ZKSCAN7: variants seen among roughly 807,000 people sequenced by gnomAD.
ZKSCAN7 encodes the protein zinc finger protein with KRAB and SCAN domains 7.
ZKSCAN7 carries 38 observed loss-of-function variants against 65.3 expected under a neutral mutation model. The ratio of observed to expected loss-of-function variants is 0.58; its 90% CI spans 0.45 to 0.76. The LOEUF is 0.76. Among genes scored for constraint, ZKSCAN7 ranks in the 30% least tolerant of loss-of-function variants. The pLI is 0.00. For missense variants in ZKSCAN7, 815 were observed against 913.3 expected, an observed-to-expected ratio of 0.89 and a Z score of 1.39; for synonymous variants, 321 against 321.0, an observed-to-expected ratio of 1.00 and a Z score of 0.00.
chr3:44,560,860 A>G (rs1016937866), intron 2 of ZKSCAN7, among the ~76,000 whole-genome samples: 3 of 152,194 alleles, frequency 2.0e-5, no homozygotes, highest in African/African-American at 7.2e-5. Context: ...CAGGCAGTGC[A>G]GTAATCATTA....
chr3:44,571,671 C>G lies in ZKSCAN7; in HGVS notation c.*296C>G. ...TAGTTATGCATCTCATAATCAGACT[C>G]CATGCTTTTTAAAGACAGAGATAAT... is the stretch of plus-strand genomic sequence containing the variant. On this transcript the variant is annotated 3_prime_UTR_variant, in exon 6 of 6. Transcript: ENST00000426540. 1 of 1,216,918 alleles carries G rather than the reference C, an allele frequency of 8.2e-7. No individual in the cohort carries two copies. The allele number at this position is 1,216,918 out of a possible 1,614,324, so 75.4% of individuals were successfully genotyped here. A position where few individuals can be genotyped will look rare whatever the true frequency, so the allele number is the denominator to read the frequency against.
rs1469677332 is a variant in ZKSCAN7 at position 44,567,927 on chromosome 3, C to T, written c.608C>T (p.Pro203Leu). Residue 203 changes from proline to leucine, a missense_variant, in exon 4 of 6, where the codon CCA becomes CTA. Coordinates refer to ENST00000426540, the MANE Select transcript of ZKSCAN7 (RefSeq NM_001288590.2). ...CCTCCCTCAGCTCAATGTACTTCTC[C>T]AGTTCCTACCCTTCCTCAAGTGGGG... The part of the protein sequence containing the change: ...PSGDFAQCTS[P>L]VPTLPQVGNS... The T allele has an allele frequency of 9.5e-7, 1 of 1,053,464 alleles. No homozygotes were observed. Among genetic ancestry groups the T allele is most frequent in the Non-Finnish European group, 1.4e-6 (1 of 718,236 alleles). The allele number at this position is 1,053,464 out of a possible 1,614,324, so 65.3% of individuals were successfully genotyped here. A position where few individuals can be genotyped will look rare whatever the true frequency, so the allele number is the denominator to read the frequency against.
exon 6 of ZKSCAN7, chr3:44,583,062 G>T (rs1700125089): frequency 9.8e-5 from 38 of 389,164 alleles, no homozygotes; most frequent in South Asian, 6.6e-4. Context: ...GAGTAGCTGG[G>T]ATTACAGGCG....
Position 44,568,396 on chromosome 3 carries a change from CATG to C in ZKSCAN7, c.778_780del (p.Met260del). On this transcript the variant is annotated inframe_deletion, in exon 5 of 6. Transcript: ENST00000426540. Reference sequence around the variant, plus strand: ...TCAGTCAGAGAGCCCTGCAGTGGAACATGATGCCAGAAAATCACCATAGCATGG... The same window carrying C: ...TCAGTCAGAGAGCCCTGCAGTGGAACATGCCAGAAAATCACCATAGCATGG... 3 of 1,614,116 alleles carry C rather than the reference CATG, an allele frequency of 1.9e-6. No individual in the cohort carries two copies. The highest frequency in any genetic ancestry group is 1.7e-6 in the Non-Finnish European group (2 of 1,180,002).
rs2125726698 is a variant in ZKSCAN7, at chr3:44,571,863, C to T, written c.*488C>T. 1 of 987,990 alleles carries T rather than the reference C, an allele frequency of 1.0e-6. No homozygotes were observed. The highest frequency in any genetic ancestry group is 1.1e-4 in the East Asian group (1 of 8,858). The allele number at this position is 987,990 out of a possible 1,614,324, so 61.2% of individuals were successfully genotyped here. On this transcript the variant is annotated 3_prime_UTR_variant, in exon 6 of 6. Coordinates refer to ENST00000426540, the MANE Select transcript of ZKSCAN7 (RefSeq NM_001288590.2). ...TTGTTCCCTATCTAGAAAACATTTTCTTCTGTTTGCTAATCTTTGTCCCTC... is the reference window on the plus strand; with the variant it reads ...TTGTTCCCTATCTAGAAAACATTTTTTTCTGTTTGCTAATCTTTGTCCCTC...
At chr3:44,563,552 AAG>A (rs1449474926) in intron 2 of ZKSCAN7, among the ~76,000 whole-genome samples, 4 of 152,174 alleles carry the variant, frequency 2.6e-5, no homozygotes, top group Non-Finnish European at 4.4e-5. Flanking sequence ...TGTGGCAGGA[AAG>A]AGAGAGCACA....
chr3:44,569,971 T>C lies in ZKSCAN7; in HGVS notation c.861T>C (p.Phe287=). Residue 287 remains phenylalanine, a synonymous_variant, in exon 6 of 6, where the codon TTT becomes TTC. Transcript: ENST00000426540. ...KGSELTPKQE[F]FKGSESSNRT... The stretch of plus-strand genomic sequence containing the variant: ...CAGAGTTGACTCCAAAGCAGGAATT[T>C]TTTAAAGGATCAGAGTCATCTAACA... 6.3e-7 allele frequency: 1 copy of C among 1,575,068 alleles called. No homozygotes were observed. The highest frequency in any genetic ancestry group is 8.6e-7 in the Non-Finnish European group (1 of 1,164,962).
At chr3:44,557,860 T>C (rs774171125) in intron 2 of ZKSCAN7, among the ~76,000 whole-genome samples, 10 of 152,180 alleles carry the variant, frequency 6.6e-5, no homozygotes, top group Non-Finnish European at 1.5e-4. Flanking sequence ...TCAGAGTCAA[T>C]TTTCTCTTTT....
chr3:44,555,668 CTA>C lies in ZKSCAN7; in HGVS notation c.-119+189_-119+190del, dbSNP rs796310951. The C allele has an allele frequency of 1.3e-3, 197 of 152,352 alleles. 1 individual carries two copies. The highest frequency in any genetic ancestry group is 4.2e-3 in the African/African-American group (174 of 41,572). 9.4% of individuals were successfully genotyped at this position (152,352 alleles called of 1,614,324 possible). A position where few individuals can be genotyped will look rare whatever the true frequency, so the allele number is the denominator to read the frequency against. ...TTTAAAGTGCTGAGCATTCGGAACA[CTA>C]TGGGAAGCAGGAGAATGGCCTGAAC... is the stretch of plus-strand genomic sequence containing the variant. On this transcript the variant is annotated intron_variant, in intron 1 of 5. Coordinates refer to ENST00000426540, the MANE Select transcript of ZKSCAN7 (RefSeq NM_001288590.2).
Position 44,557,269 on chromosome 3 carries a change from G to A in ZKSCAN7, c.222G>A (p.Arg74=), listed in dbSNP as rs766553385. Residue 74 remains arginine (R), a synonymous_variant, in exon 2 of 6, where the codon CGG becomes CGA. Transcript: ENST00000426540. The part of the protein sequence containing the change: ...EMSGPQEALS[R]LRELCRWWLM... ...CTGGGCCGCAGGAAGCATTGAGCCG[G>A]CTTCGGGAGCTCTGCCGCTGGTGGC... 1.9e-6 allele frequency: 3 copies of A among 1,614,158 alleles called. No individual in the cohort carries two copies. The highest frequency in any genetic ancestry group is 2.7e-5 in the African/African-American group (2 of 74,954).
At chr3:44,564,580 A>G (rs1306814795) in intron 2 of ZKSCAN7, among the ~76,000 whole-genome samples, 1 of 152,224 alleles carries the variant, frequency 6.6e-6, no homozygotes, top group Non-Finnish European at 1.5e-5. Context: ...GAGTCTGACT[A>G]TCCCTGCTTT....
At chr3:44,580,074 T>C (rs1700032720) in intron 5 of ZKSCAN7, 2 of 1,600,490 alleles carry the variant, frequency 1.2e-6, no homozygotes, top group South Asian at 1.1e-5. Flanking sequence ...CCCCACTGCA[T>C]TGGTCTCCAT....
In ZKSCAN7 at chr3:44,571,635, A is replaced by T. The variant is rs1403875498; in HGVS notation, c.*260A>T. 1.5e-5 allele frequency: 20 copies of T among 1,313,746 alleles called. No homozygotes were observed. In the East Asian group the frequency reaches 5.6e-4, roughly 37 times the overall value. The allele number at this position is 1,313,746 out of a possible 1,614,324, so 81.4% of individuals were successfully genotyped here. A position where few individuals can be genotyped will look rare whatever the true frequency, so the allele number is the denominator to read the frequency against. ...TTTTAAATTTTAACTTTTAAAATCT[A>T]TTTCATTTCTTAGTTATGCATCTCA... On this transcript the variant is annotated 3_prime_UTR_variant, in exon 6 of 6. Coordinates refer to ENST00000426540, the MANE Select transcript of ZKSCAN7 (RefSeq NM_001288590.2).
In ZKSCAN7 at chr3:44,557,177, A is replaced by G. The variant is rs1321654128; in HGVS notation, c.130A>G (p.Lys44Glu). The G allele has an allele frequency of 5.6e-6, 9 of 1,614,142 alleles. No homozygotes were observed. The highest frequency in any genetic ancestry group is 7.6e-6 in the Non-Finnish European group (9 of 1,180,052). Residue 44 changes from lysine to glutamate, a missense_variant, in exon 2 of 6, where the codon AAG becomes GAG. Physicochemically the swap from Lys to Glu is moderately conservative, Grantham distance 56. This residue lies in a region of ZKSCAN7 where 227 missense variants were observed against 253.3 expected (regional missense o/e 0.90). Transcript: ENST00000426540. Reference protein sequence around the residue: ...QTWGQGSSLQKNYPPVCEIFR... With the variant: ...QTWGQGSSLQENYPPVCEIFR... The stretch of plus-strand genomic sequence containing the variant: ...CTGGGGGCAGGGCAGCAGTCTCCAG[A>G]AGAACTATCCTCCTGTCTGCGAAAT...
rs879719445 is a variant in ZKSCAN7, at chr3:44,566,401, G to A, written c.592+746G>A. 1.1e-4 allele frequency among the ~76,000 whole-genome samples: 16 copies of A among 152,264 alleles called. No homozygotes were observed. In the South Asian group the frequency reaches 1.5e-3, roughly 14 times the overall value. On this transcript the variant is annotated intron_variant, in intron 3 of 5. Transcript: ENST00000426540. ...AGCATTATGGATTGAAGGGGAAGGC[G>A]CCTTAGTTAAAGGCTGGTGCGGTAG... is the stretch of plus-strand genomic sequence containing the variant.
At chr3:44,580,247 C>T in intron 5 of ZKSCAN7, 2 of 1,613,318 alleles carry the variant, frequency 1.2e-6, no homozygotes, top group South Asian at 1.1e-5. Context: ...AGCTGCTCTC[C>T]CCCCGGACTT....
At position 44,571,230 on chromosome 3, in the gene ZKSCAN7, T is replaced by C. The variant is rs1699801008; in HGVS notation, c.2120T>C (p.Ile707Thr). 5.0e-6 allele frequency: 8 copies of C among 1,614,196 alleles called. No individual in the cohort carries two copies. The highest frequency in any genetic ancestry group is 6.8e-6 in the Non-Finnish European group (8 of 1,180,050). ...GKAFSDSSQL[I>T]VHQRVHTGEK... Reference sequence around the variant, plus strand: ...GCTTTTAGTGACAGCTCACAGCTTATTGTACACCAGAGAGTCCACACCGGA... The same window carrying C: ...GCTTTTAGTGACAGCTCACAGCTTACTGTACACCAGAGAGTCCACACCGGA... Residue 707 changes from isoleucine (I) to threonine (T), a missense_variant, in exon 6 of 6, where the codon ATT becomes ACT. By Grantham distance (89) the Ile-to-Thr change is moderately conservative (BLOSUM62 -1). Around this residue, in one of 3 missense-constraint regions of ZKSCAN7, gnomAD observed 578 missense variants for 629.5 expected, o/e 0.92. Transcript: ENST00000426540.
intron 5 of ZKSCAN7, among the ~76,000 whole-genome samples, chr3:44,581,221 A>G (rs951232590): frequency 6.8e-6 from 1 of 147,316 alleles, no homozygotes; most frequent in Non-Finnish European, 1.5e-5. Context: ...CGCGACGCCC[A>G]GCTCCCGCCC....
chr3:44,570,798 G>A lies in ZKSCAN7; in HGVS notation c.1688G>A (p.Ser563Asn), dbSNP rs1403648529. The A allele has an allele frequency of 1.9e-6, 3 of 1,614,194 alleles. No individual in the cohort carries two copies. The highest frequency in any genetic ancestry group is 1.7e-5 in the Admixed American group (1 of 60,030). Residue 563 changes from serine (S) to asparagine (N), a missense_variant, in exon 6 of 6, where the codon AGT (serine) becomes AAT (asparagine). Ser to Asn is a conservative substitution (Grantham distance 46). Around this residue, in one of 3 missense-constraint regions of ZKSCAN7, gnomAD observed 578 missense variants for 629.5 expected, o/e 0.92. Coordinates refer to ENST00000426540, the MANE Select transcript of ZKSCAN7 (RefSeq NM_001288590.2). Reference sequence around the variant, plus strand: ...GAATGTGGCAAAGCCTTCAGTCGGAGTAAATGTCTTATTCGACATCAGAGC... The same window carrying A: ...GAATGTGGCAAAGCCTTCAGTCGGAATAAATGTCTTATTCGACATCAGAGC... ...CSECGKAFSR[S>N]KCLIRHQSLH...
Sources: allele counts gnomAD v4.1 joint callset (sites outside exome capture counted in the v4.1 genomes callset), GRCh38; gene constraint gnomAD v4.1.1; regional missense constraint gnomAD v4.1.1; transcripts MANE v1.5; gene names NCBI Gene and HGNC (gene_info 2026-07-23, HGNC 2026-07-21).